Variants in SNX29 observed in about 807,000 individuals in gnomAD.
SNX29 encodes the protein sorting nexin 29, also known as sorting nexin-29.
A neutral mutation model predicts 102.1 loss-of-function variants in SNX29; 78 were observed. That is an observed-to-expected ratio of 0.76 (90% CI 0.64 to 0.92). SNX29 has a LOEUF of 0.92. SNX29 is among the 40% of genes least tolerant of loss of function. The probability of loss-of-function intolerance (pLI) is 0.00; values close to 1 mark genes in which losing one functional copy is unlikely to be tolerated. For missense variants in SNX29, 1,280 were observed against 1,061.7 expected (o/e 1.21, Z -2.86); for synonymous variants, 580 against 414.5 (o/e 1.40, Z -4.85).
At chr16:12,402,375 G>T (rs185186012) in intron 17 of SNX29, among the ~76,000 whole-genome samples, 6 of 152,250 alleles carry the variant, frequency 3.9e-5, no homozygotes, top group Admixed American at 3.9e-4. Context: ...AGCCCAGAAG[G>T]CTGGCGAGTT....
At chr16:12,535,825 G>T (rs1032064942) in intron 20 of SNX29, among the ~76,000 whole-genome samples, 2 of 152,060 alleles carry the variant, frequency 1.3e-5, no homozygotes, top group South Asian at 2.1e-4. Context: ...CCGCCACTTT[G>T]GCCTCTCAGT....
At position 12,275,807 on chromosome 16, in the gene SNX29, A is replaced by G. The variant is rs569234820; in HGVS notation, c.1679-2126A>G. ...GAGGTAGTGTGTGATATTATGATAG[A>G]TGTATACAAAATTTAATGATCAAAT... On this transcript the variant is annotated intron_variant, in intron 14 of 20. Coordinates refer to ENST00000566228, the MANE Select transcript of SNX29 (RefSeq NM_032167.5). Among the ~76,000 whole-genome samples the G allele has an allele frequency of 3.3e-5, 5 of 150,438 alleles. No individual in the cohort carries two copies. In the South Asian group the frequency reaches 1.0e-3, roughly 32 times the overall value.
chr16:12,068,975 A>T, intron 9 of SNX29, 82 bp from the exon 10 acceptor site: 2 of 1,325,734 alleles, frequency 1.5e-6, no homozygotes, highest in Non-Finnish European at 2.1e-6. Context: ...CAGATGAGCC[A>T]ATGTCTGCAT....
In SNX29 at chr16:12,572,917, G is replaced by T. The variant is rs375500698; in HGVS notation, c.*4288G>T. On this transcript the variant is annotated 3_prime_UTR_variant, in exon 21 of 21. Coordinates refer to ENST00000566228, the MANE Select transcript of SNX29 (RefSeq NM_032167.5). ...TTTCGCTCGGAATCACGGCAGACTT[G>T]GAGTGTTTCTTCAAGGCAGGCATCT... The T allele has an allele frequency of 2.0e-6, 2 of 983,924 alleles. No individual in the cohort carries two copies. The highest frequency in any genetic ancestry group is 2.5e-6 in the Non-Finnish European group (2 of 805,936). The allele number at this position is 983,924 out of a possible 1,614,324, so 60.9% of individuals were successfully genotyped here. A position where few individuals can be genotyped will look rare whatever the true frequency, so the allele number is the denominator to read the frequency against.
chr16:12,400,407 C>T (rs998297945), intron 17 of SNX29, among the ~76,000 whole-genome samples: 6 of 152,198 alleles, frequency 3.9e-5, no homozygotes, highest in African/African-American at 1.4e-4. Context: ...CTACAACAAC[C>T]TTCAGAGATG....
chr16:12,314,656 T>C (rs2080673434), intron 15 of SNX29, among the ~76,000 whole-genome samples: 1 of 152,274 alleles, frequency 6.6e-6, no homozygotes, highest in Admixed American at 6.5e-5. Flanking sequence ...TCTTCTTTCC[T>C]GTGAGCTTTT....
intron 13 of SNX29, among the ~76,000 whole-genome samples, chr16:12,145,456 T>G (rs1025813393): frequency 2.6e-5 from 4 of 152,316 alleles, no homozygotes; most frequent in African/African-American, 7.2e-5. Flanking sequence ...AAATGTAATG[T>G]GTACGTTCGA....
intron 4 of SNX29, among the ~76,000 whole-genome samples, chr16:12,039,368 T>G (rs2057565376): frequency 6.6e-6 from 1 of 152,046 alleles, no homozygotes; most frequent in African/African-American, 2.4e-5. Flanking sequence ...CTCAAGGTCA[T>G]TTGGTTGAAT....
intron 15 of SNX29, among the ~76,000 whole-genome samples, chr16:12,328,568 C>A (rs906252338): frequency 6.6e-6 from 1 of 152,008 alleles, no homozygotes; most frequent in African/African-American, 2.4e-5. Context: ...TGCCCAGATT[C>A]CTCGTTCTCT....
intron 19 of SNX29, among the ~76,000 whole-genome samples, chr16:12,509,281 G>A (rs1247922553): frequency 2.0e-5 from 3 of 152,158 alleles, no homozygotes; most frequent in African/African-American, 7.2e-5. Context: ...TGATCACAAG[G>A]GAAGGGCACC....
At chr16:12,082,648 A>G (rs1057303407) in intron 11 of SNX29, among the ~76,000 whole-genome samples, 2 of 152,180 alleles carry the variant, frequency 1.3e-5, no homozygotes, top group Non-Finnish European at 2.9e-5. Context: ...GAATCTCTGA[A>G]GAAAAAAATG....
intron 15 of SNX29, among the ~76,000 whole-genome samples, chr16:12,340,639 G>A (rs941126080): frequency 3.3e-5 from 5 of 152,172 alleles, no homozygotes; most frequent in African/African-American, 4.8e-5. Flanking sequence ...GCACCTGGTG[G>A]CCAGGTAGAC....
At chr16:12,051,817 A>G (rs536811673) in intron 7 of SNX29, 30 bp from the exon 8 acceptor site, 81 of 1,596,054 alleles carry the variant, frequency 5.1e-5, no homozygotes, top group Admixed American at 1.8e-5. Flanking sequence ...CCTTTTTCTT[A>G]TACTGTATCT....
intron 13 of SNX29, among the ~76,000 whole-genome samples, chr16:12,195,441 A>G (rs1222677055): frequency 1.3e-5 from 2 of 152,212 alleles, no homozygotes; most frequent in Non-Finnish European, 2.9e-5. Flanking sequence ...CTGTTGATTC[A>G]TATTTCCTAA....
chr16:12,538,605 T>G (rs974102971), intron 20 of SNX29, among the ~76,000 whole-genome samples: 2 of 152,158 alleles, frequency 1.3e-5, no homozygotes, highest in Non-Finnish European at 2.9e-5. Context: ...AGTAGGTGGA[T>G]GCAGGAGGGC....
intron 13 of SNX29, among the ~76,000 whole-genome samples, chr16:12,176,739 G>C (rs985015922): frequency 2.6e-5 from 4 of 152,134 alleles, no homozygotes; most frequent in African/African-American, 9.7e-5. Flanking sequence ...GATACCAAAG[G>C]ATGTGTCTGT....
chr16:12,467,928 C>G (rs1253681187), intron 18 of SNX29, among the ~76,000 whole-genome samples: 1 of 152,130 alleles, frequency 6.6e-6, no homozygotes, highest in African/African-American at 2.4e-5. Context: ...GCACTCCAGG[C>G]AGAGGGAACA....
chr16:12,068,867 A>G (rs1233305745), intron 9 of SNX29, among the ~76,000 whole-genome samples, 190 bp from the exon 10 acceptor site: 1 of 152,212 alleles, frequency 6.6e-6, no homozygotes, highest in Non-Finnish European at 1.5e-5. Context: ...ACAGTGACTG[A>G]TGCCAAGTCT....
Position 12,126,706 on chromosome 16 carries a change from T to C in SNX29, c.1466+10T>C. 6.2e-7 allele frequency: 1 copy of C among 1,613,782 alleles called. No individual in the cohort carries two copies. Among genetic ancestry groups the C allele is most frequent in the Non-Finnish European group, 8.5e-7 (1 of 1,179,814 alleles). ...TGGAGGAGGAGAACAGGTACCGTGA[T>C]TTTCAGGCTTGAGGAATAGCCTCTT... On this transcript the variant is annotated intron_variant, in intron 12 of 20. Transcript: ENST00000566228.
Sources: allele counts gnomAD v4.1 joint callset (sites outside exome capture counted in the v4.1 genomes callset), GRCh38; gene constraint gnomAD v4.1.1; transcripts MANE v1.5; gene names NCBI Gene and HGNC (gene_info 2026-07-23, HGNC 2026-07-21).